The following SGSH variants were observed in gnomAD, a reference collection of about 807,000 sequenced individuals.
SGSH encodes N-sulfoglucosamine sulfohydrolase.
SGSH carries 48 observed loss-of-function variants against 51.0 expected under a neutral mutation model. The ratio of observed to expected loss-of-function variants is 0.94; its 90% CI spans 0.75 to 1.20. The LOEUF is 1.20. SGSH is among the 50% of genes most tolerant of loss of function. SGSH has a pLI of 0.00. For synonymous variants in SGSH, 321 were observed against 313.4 expected, an observed-to-expected ratio of 1.02 and a Z score of -0.26; for missense variants, 662 against 717.8, an observed-to-expected ratio of 0.92 and a Z score of 0.89.
At chr17:80,201,699 C>G in the SGSH span, 18 of 1,611,502 alleles carry the variant, frequency 1.1e-5, no homozygotes, top group Non-Finnish European at 1.5e-5. The surrounding 1 kb of genome is among the most constrained non-coding windows in gnomAD (Gnocchi z 5.0). Context: ...TGGCTGGATT[C>G]AGAGTCCCGG....
At chr17:80,203,022 C>T (rs1212168593), downstream of SGSH, 1 of 152,890 alleles carries the variant, frequency 6.5e-6, no homozygotes, top group East Asian at 1.9e-4. The surrounding 1 kb of genome is among the most constrained non-coding windows in gnomAD (Gnocchi z 4.6). Flanking sequence ...AATCCAAACA[C>T]TTTGGGAGGC....
intron 7 of SGSH, chr17:80,211,390 G>A (rs1408529988): frequency 3.0e-6 from 1 of 336,356 alleles, no homozygotes; most frequent in African/African-American, 2.1e-5. Context: ...AGCTCGGAGG[G>A]AAAGGGAACC....
downstream of SGSH, chr17:80,208,468 C>T: frequency 3.3e-6 from 3 of 919,222 alleles, no homozygotes; most frequent in Middle Eastern, 3.3e-4. Context: ...CGGCTCTCCC[C>T]ACTGGCTGGG....
chr17:80,204,967 C>A, downstream of SGSH: 2 of 1,370,658 alleles, frequency 1.5e-6, no homozygotes, highest in South Asian at 2.9e-5. Context: ...CCAGTCCCTC[C>A]CGGGGCAGGG....
chr17:80,218,702 G>C (rs148180969), intron 1 of SGSH, among the ~76,000 whole-genome samples: 149 of 152,312 alleles, frequency 9.8e-4, no homozygotes, highest in African/African-American at 3.5e-3. Context: ...AGAGTGTCTC[G>C]GCACTTGGCT....
At chr17:80,207,195 G>A, downstream of SGSH, 1 of 689,314 alleles carries the variant, frequency 1.5e-6, no homozygotes, top group East Asian at 2.9e-5. Context: ...GGAAGCTGAG[G>A]CGCTGACAGG....
At position 80,214,740 on chromosome 17, in the gene SGSH, C is replaced by T. The variant is rs2144749895; in HGVS notation, c.381G>A (p.Gly127=). 4 of 1,612,686 alleles carry T rather than the reference C, an allele frequency of 2.5e-6. No homozygotes were observed. The highest frequency in any genetic ancestry group is 3.4e-6 in the Non-Finnish European group (4 of 1,180,002). The change falls in exon 4 of 8, where the codon GGG becomes GGA. Residue 127 remains glycine, a synonymous_variant. Transcript: ENST00000326317. ...RTGIIGKKHV[G]PETVYPFDFA... ...AGTCAAACGGGTACACGGTCTCCGG[C>T]CCCACGTGCTTCTTCCCGATGATGC...
downstream of SGSH, among the ~76,000 whole-genome samples, chr17:80,206,439 C>T (rs2041312158): frequency 6.6e-6 from 1 of 152,292 alleles, no homozygotes; most frequent in East Asian, 1.9e-4. Context: ...CACAGTGAGA[C>T]ACCCGTCTCT....
In SGSH at chr17:80,210,718, T is replaced by TGC. The variant is rs1484648912; in HGVS notation, c.1241_1242dup (p.Thr415AlafsTer177). ...CAGCCCGTGGGCTGACCAGCTGTGG[T>TGC]GCGGTTCAGGAGGTCCTGGAAGGTG... On this transcript the variant is annotated frameshift_variant, in exon 8 of 8. Transcript: ENST00000326317. LOFTEE classifies it high-confidence loss of function. 6.2e-7 allele frequency: 1 copy of TGC among 1,613,764 alleles called. No individual in the cohort carries two copies. The highest frequency in any genetic ancestry group is 8.5e-7 in the Non-Finnish European group (1 of 1,179,966).
In SGSH at chr17:80,212,601, C is replaced by T. The variant is rs997850411; in HGVS notation, c.746-327G>A. 4.7e-6 allele frequency: 2 copies of T among 425,170 alleles called. No individual in the cohort carries two copies. The highest frequency in any genetic ancestry group is 4.0e-5 in the African/African-American group (2 of 49,514). 26.3% of individuals were successfully genotyped at this position (425,170 alleles called of 1,614,324 possible). A position where few individuals can be genotyped will look rare whatever the true frequency, so the allele number is the denominator to read the frequency against. On this transcript the variant is annotated intron_variant, in intron 6 of 7. Transcript: ENST00000326317. The surrounding 1 kb of genome is among the most constrained non-coding windows in gnomAD (Gnocchi z 5.9). ...GGAATCTCGTGTCTGTCCCATGGAG[C>T]AAATAGGGCAGGGGCCAGAGGACGA...
intron 3 of SGSH, 72 bp downstream of exon 3, chr17:80,214,961 G>T: frequency 7.1e-7 from 1 of 1,414,688 alleles, no homozygotes; most frequent in East Asian, 2.4e-5. Context: ...GGTACAAGGT[G>T]CCGAACCTCC....
At chr17:80,214,464 T>A in intron 4 of SGSH, 136 bp from the exon 5 acceptor site, 1 of 1,296,464 alleles carries the variant, frequency 7.7e-7, no homozygotes, top group Non-Finnish European at 1.1e-6. Flanking sequence ...CCACGTCCCT[T>A]CTCCCTCTGA....
At position 80,214,293 on chromosome 17, in the gene SGSH, T is replaced by TG; in HGVS notation, c.541dup (p.His181ProfsTer15). ...CTGGGGCTGGGAGTGCCCACAGCGG[T>TG]GGGGGTCGTGGAAGGCGACGTAGAG... is the stretch of plus-strand genomic sequence containing the variant. On this transcript the variant is annotated frameshift_variant, in exon 5 of 8. Transcript: ENST00000326317. LOFTEE classifies it high-confidence loss of function. 6.2e-7 allele frequency: 1 copy of TG among 1,612,904 alleles called. No individual in the cohort carries two copies. The highest frequency in any genetic ancestry group is 8.5e-7 in the Non-Finnish European group (1 of 1,179,956).
At chr17:80,209,144 G>A, downstream of SGSH, 1 of 221,032 alleles carries the variant, frequency 4.5e-6, no homozygotes, top group Non-Finnish European at 7.6e-6. Context: ...TCAGGGCTCG[G>A]GGAGGACCCA....
intron 1 of SGSH, 143 bp downstream of exon 1, chr17:80,220,083 A>G (rs1406274222): frequency 5.1e-6 from 3 of 588,722 alleles, no homozygotes; most frequent in Non-Finnish European, 8.6e-6. Context: ...GGCGGCACAG[A>G]GAGGAGGACG....
At chr17:80,205,794 G>A, downstream of SGSH, 1 of 819,748 alleles carries the variant, frequency 1.2e-6, no homozygotes, top group Non-Finnish European at 1.8e-6. Context: ...CAACAGCCCA[G>A]CAGGAGCCCA....
intron 1 of SGSH, among the ~76,000 whole-genome samples, chr17:80,218,173 C>T (rs1188024277): frequency 1.3e-5 from 2 of 152,246 alleles, no homozygotes; most frequent in Non-Finnish European, 2.9e-5. Context: ...CAGCGGAAAC[C>T]GCATGGGGCA....
rs752632460 is a variant in SGSH, at chr17:80,213,837, C to T, written c.712G>A (p.Ala238Thr). The change falls in exon 6 of 8, where the codon GCT becomes ACT. Residue 238 changes from alanine to threonine, a missense_variant. By Grantham distance (58) the Ala-to-Thr change is moderately conservative. Coordinates refer to ENST00000326317, the MANE Select transcript of SGSH (RefSeq NM_000199.5). The surrounding 1 kb of genome is among the most constrained non-coding windows in gnomAD (Gnocchi z 4.6). Reference sequence around the variant, plus strand: ...ATGCGGCCGACGGTGGTGTACTGAGCGGCCAGGTCGGCTCGGGCTGCCGGG... The same window carrying T: ...ATGCGGCCGACGGTGGTGTACTGAGTGGCCAGGTCGGCTCGGGCTGCCGGG... ...NTPAARADLA[A>T]QYTTVGRMDQ... 2.8e-5 allele frequency: 45 copies of T among 1,608,008 alleles called. No individual in the cohort carries two copies. Among genetic ancestry groups the T allele is most frequent in the South Asian group, 4.4e-5 (4 of 90,086 alleles).
downstream of SGSH, chr17:80,204,090 AC>A: frequency 1.1e-6 from 1 of 901,062 alleles, no homozygotes. Context: ...GTGCAGACAC[AC>A]CTCAGGCTGT....
Sources: allele counts gnomAD v4.1 joint callset (sites outside exome capture counted in the v4.1 genomes callset), GRCh38; gene constraint gnomAD v4.1.1; non-coding constraint Gnocchi (gnomAD v3.1); transcripts MANE v1.5; gene names NCBI Gene and HGNC (gene_info 2026-07-23, HGNC 2026-07-21).